The following THNSL1 variants were observed in gnomAD, a reference collection of about 807,000 sequenced individuals.
THNSL1 encodes threonine synthase-like 1.
Under a neutral mutation model 50.4 loss-of-function variants are expected in THNSL1, and 48 were observed. The ratio of observed to expected loss-of-function variants is 0.95; its 90% CI spans 0.76 to 1.21. The LOEUF (loss-of-function observed/expected upper bound fraction) is 1.21. Ranked by LOEUF, THNSL1 falls within the 50% of genes most tolerant of loss-of-function variation. The probability of loss-of-function intolerance (pLI) is 0.00; values close to 1 mark genes in which losing one functional copy is unlikely to be tolerated. For missense variants in THNSL1, 896 were observed against 871.7 expected (o/e 1.03, Z -0.35); for synonymous variants, 309 against 306.1 (o/e 1.01, Z -0.10).
At chr10:25,003,033 T>G in the THNSL1 span, among the ~76,000 whole-genome samples, 2 of 152,008 alleles carry the variant, frequency 1.3e-5, no homozygotes, top group Admixed American at 6.6e-5. Flanking sequence ...TTATAGAAAA[T>G]AAGATACTCT....
chr10:25,011,761 C>A (rs2132721540), upstream of THNSL1, among the ~76,000 whole-genome samples: 1 of 152,238 alleles, frequency 6.6e-6, no homozygotes, highest in African/African-American at 2.4e-5. Context: ...GGAAGCAGAG[C>A]ATAAAAGTTC....
the THNSL1 span, among the ~76,000 whole-genome samples, chr10:25,006,832 C>G: frequency 6.6e-6 from 1 of 152,196 alleles, no homozygotes; most frequent in Non-Finnish European, 1.5e-5. Context: ...AGATTTGTGT[C>G]TCGATCTCAG....
At chr10:24,988,975 A>G in the THNSL1 span, among the ~76,000 whole-genome samples, 7 of 151,738 alleles carry the variant, frequency 4.6e-5, no homozygotes, top group Non-Finnish European at 1.0e-4. Context: ...CGTCCAGTGG[A>G]TGATTTGCTA....
At chr10:24,964,801 G>A in the THNSL1 span, among the ~76,000 whole-genome samples, 3 of 152,162 alleles carry the variant, frequency 2.0e-5, no homozygotes, top group Admixed American at 1.3e-4. Flanking sequence ...CGTGGCTCAC[G>A]CCTGTAATCC....
chr10:24,974,903 T>A, the THNSL1 span, among the ~76,000 whole-genome samples: 1 of 152,180 alleles, frequency 6.6e-6, no homozygotes, highest in East Asian at 1.9e-4. Flanking sequence ...TCTAAGATAA[T>A]GTTAAAATTT....
chr10:25,020,506 C>T (rs970930717), intron 1 of THNSL1, among the ~76,000 whole-genome samples: 7 of 152,034 alleles, frequency 4.6e-5, no homozygotes, highest in African/African-American at 1.7e-4. Flanking sequence ...GTGGTTCATG[C>T]CTCTAATCCC....
chr10:24,979,729 A>G, the THNSL1 span, among the ~76,000 whole-genome samples: 48 of 152,148 alleles, frequency 3.2e-4, no homozygotes, highest in Admixed American at 3.1e-3. Flanking sequence ...CTTTCAATCT[A>G]TCTTTCCATC....
rs149063344 is a variant in THNSL1 at position 25,026,294 on chromosome 10, G to A, written c.*839G>A. On this transcript the variant is annotated 3_prime_UTR_variant, in exon 3 of 3. Coordinates refer to ENST00000376356, the MANE Select transcript of THNSL1 (RefSeq NM_024838.5). ...CTTCACTCTCCTTTGGATGTGTACG[G>A]TTAGGGTGACGATGTTTGAAAATCA... 6.0e-6 allele frequency: 1 copy of A among 166,742 alleles called. No individual in the cohort carries two copies. The highest frequency in any genetic ancestry group is 1.9e-4 in the East Asian group (1 of 5,186). The allele number at this position is 166,742 out of a possible 1,614,324, so 10.3% of individuals were successfully genotyped here.
chr10:24,962,195 C>T, the THNSL1 span, among the ~76,000 whole-genome samples: 26,413 of 152,048 alleles, frequency 0.17, 4,624 homozygotes, highest in African/African-American at 0.45. Flanking sequence ...TTATGTCTTG[C>T]GTTATCAACT....
At chr10:24,989,397 C>G in the THNSL1 span, among the ~76,000 whole-genome samples, 3 of 152,192 alleles carry the variant, frequency 2.0e-5, no homozygotes, top group Admixed American at 6.5e-5. Flanking sequence ...TTGAGCCACT[C>G]CTACTGTCTG....
At chr10:24,976,997 A>G in the THNSL1 span, among the ~76,000 whole-genome samples, 2,535 of 152,336 alleles carry the variant, frequency 0.017, 77 homozygotes, top group African/African-American at 0.058. Flanking sequence ...TCCCATATCC[A>G]TAGCCCCTCT....
At chr10:24,968,889 TTTG>T in the THNSL1 span, among the ~76,000 whole-genome samples, 1 of 152,200 alleles carries the variant, frequency 6.6e-6, no homozygotes, top group Non-Finnish European at 1.5e-5. Flanking sequence ...ATTTGACTTC[TTTG>T]TTGTTGTTGT....
chr10:24,979,260 A>G, the THNSL1 span, among the ~76,000 whole-genome samples: 1 of 152,236 alleles, frequency 6.6e-6, no homozygotes, highest in African/African-American at 2.4e-5. Flanking sequence ...GTTAATAAGC[A>G]TAGTGGGTCC....
chr10:25,012,255 T>C (rs1457255756), upstream of THNSL1, among the ~76,000 whole-genome samples: 1 of 152,260 alleles, frequency 6.6e-6, no homozygotes, highest in Non-Finnish European at 1.5e-5. Context: ...GGAGAACCTC[T>C]GCTAGGGCAG....
chr10:24,952,607 G>C, the THNSL1 span: 1 of 1,565,292 alleles, frequency 6.4e-7, no homozygotes. The surrounding 1 kb of genome is among the most constrained non-coding windows in gnomAD (Gnocchi z 5.1). Flanking sequence ...AAGGGAAGAC[G>C]GCGCGGGAAG....
chr10:24,998,212 T>C, the THNSL1 span, among the ~76,000 whole-genome samples: 1 of 152,174 alleles, frequency 6.6e-6, no homozygotes, highest in Admixed American at 6.5e-5. Context: ...AGATGTTGCA[T>C]TATTTCCTCA....
At chr10:24,982,898 T>G in the THNSL1 span, 1 of 152,264 alleles carries the variant, frequency 6.6e-6, no homozygotes, top group Non-Finnish European at 1.5e-5. Flanking sequence ...GTTTTCATTT[T>G]AACATTTAAG....
At chr10:24,983,319 C>G in the THNSL1 span, 1 of 152,228 alleles carries the variant, frequency 6.6e-6, no homozygotes, top group African/African-American at 2.4e-5. Context: ...CTCCCTAACT[C>G]TGGATCAGAT....
the THNSL1 span, among the ~76,000 whole-genome samples, chr10:24,991,850 C>A: frequency 6.6e-6 from 1 of 152,178 alleles, no homozygotes; most frequent in Non-Finnish European, 1.5e-5. Flanking sequence ...CAAAAGAGCA[C>A]CCTGTAACAC....
Sources: allele counts gnomAD v4.1 joint callset (sites outside exome capture counted in the v4.1 genomes callset), GRCh38; gene constraint gnomAD v4.1.1; non-coding constraint Gnocchi (gnomAD v3.1); transcripts MANE v1.5; gene names NCBI Gene and HGNC (gene_info 2026-07-23, HGNC 2026-07-21).